Variants in SYT10 observed in about 807,000 individuals in gnomAD.
SYT10 encodes the protein synaptotagmin 10.
A neutral mutation model predicts 51.1 loss-of-function variants in SYT10; 31 were observed. The ratio of observed to expected loss-of-function variants is 0.61; its 90% CI spans 0.46 to 0.82. The LOEUF (loss-of-function observed/expected upper bound fraction) is 0.82. Ranked by LOEUF, SYT10 falls within the 40% of genes least tolerant of loss-of-function variation. SYT10 has a pLI of 0.00. For synonymous variants in SYT10, 233 were observed against 225.9 expected, an observed-to-expected ratio of 1.03 and a Z score of -0.28; for missense variants, 603 against 634.0, an observed-to-expected ratio of 0.95 and a Z score of 0.53.
chr12:33,375,654 C>T lies in SYT10; in HGVS notation c.*1176G>A, dbSNP rs1238679459. ...CTTATGAAGGCAAATGCCTTTCATG[C>T]AAGGACTGGAGGCCTGGGCCTTTAG... On this transcript the variant is annotated 3_prime_UTR_variant, in exon 7 of 7. Transcript: ENST00000228567. The T allele has an allele frequency of 1.3e-5, 2 of 152,086 alleles. No individual in the cohort carries two copies. The highest frequency in any genetic ancestry group is 1.3e-4 in the Admixed American group (2 of 15,258). The allele number at this position is 152,086 out of a possible 1,614,324, so 9.4% of individuals were successfully genotyped here. A position where few individuals can be genotyped will look rare whatever the true frequency, so the allele number is the denominator to read the frequency against.
chr12:33,429,480 A>G (rs1371714460), intron 1 of SYT10, among the ~76,000 whole-genome samples: 2 of 152,262 alleles, frequency 1.3e-5, no homozygotes, highest in Non-Finnish European at 2.9e-5. Flanking sequence ...ATTGGAGACC[A>G]ATAAAGTGAT....
At chr12:33,378,036 T>A (rs2138378595) in intron 6 of SYT10, among the ~76,000 whole-genome samples, 1 of 152,274 alleles carries the variant, frequency 6.6e-6, no homozygotes, top group South Asian at 2.1e-4. Flanking sequence ...CAATAACATA[T>A]ATAATTATAT....
chr12:33,401,634 TA>T (rs1309502298), intron 3 of SYT10, among the ~76,000 whole-genome samples: 1 of 152,210 alleles, frequency 6.6e-6, no homozygotes, highest in East Asian at 1.9e-4. Context: ...TTCATGTATA[TA>T]TGGCTGCCAT....
intron 1 of SYT10, chr12:33,432,291 T>C (rs986077276): frequency 2.0e-5 from 3 of 152,092 alleles, no homozygotes; most frequent in African/African-American, 4.8e-5. Context: ...TTCGATTTGA[T>C]AAAACGTAGT....
chr12:33,390,503 A>G (rs2138394383), intron 3 of SYT10, among the ~76,000 whole-genome samples: 1 of 151,966 alleles, frequency 6.6e-6, no homozygotes, highest in African/African-American at 2.4e-5. Flanking sequence ...TAGTCTCTAC[A>G]TTTTTTTTCT....
chr12:33,389,403 A>T (rs1156441801), intron 3 of SYT10, among the ~76,000 whole-genome samples: 3 of 152,226 alleles, frequency 2.0e-5, no homozygotes, highest in African/African-American at 7.2e-5. Flanking sequence ...TAAGTAACTC[A>T]AAAGGTAGAT....
At chr12:33,388,247 T>C (rs1214608302) in intron 3 of SYT10, among the ~76,000 whole-genome samples, 1 of 152,132 alleles carries the variant, frequency 6.6e-6, no homozygotes, top group Non-Finnish European at 1.5e-5. Context: ...GAACAGTAAA[T>C]AATATTTAAA....
chr12:33,426,730 G>A (rs1473640265), intron 1 of SYT10, among the ~76,000 whole-genome samples: 2 of 152,108 alleles, frequency 1.3e-5, no homozygotes, highest in African/African-American at 2.4e-5. Flanking sequence ...GGAAAATTAC[G>A]ATGTATGCAT....
chr12:33,422,079 C>G (rs1389600245), intron 2 of SYT10, among the ~76,000 whole-genome samples: 1 of 148,202 alleles, frequency 6.7e-6, no homozygotes, highest in African/African-American at 2.5e-5. Context: ...GGCATCAAAA[C>G]TTAAAGTATT....
At chr12:33,416,739 T>C (rs1193041025) in intron 2 of SYT10, among the ~76,000 whole-genome samples, 1 of 152,130 alleles carries the variant, frequency 6.6e-6, no homozygotes, top group Non-Finnish European at 1.5e-5. Context: ...CATCAACACT[T>C]CCTACCTTTT....
At chr12:33,438,355 G>T (rs1866654755) in intron 1 of SYT10, among the ~76,000 whole-genome samples, 1 of 152,144 alleles carries the variant, frequency 6.6e-6, no homozygotes, top group African/African-American at 2.4e-5. Flanking sequence ...AGTGTTTTTT[G>T]ACTCCTAGTG....
Position 33,439,340 on chromosome 12 carries a change from C to A in SYT10, c.151+32G>T, listed in dbSNP as rs374367752. The stretch of plus-strand genomic sequence containing the variant: ...CCTAGCGCGCGGGGTCCCAGCGGAG[C>A]GCGAGGACGCGAGCGGAGCCCTCCC... On this transcript the variant is annotated intron_variant, in intron 1 of 6. Transcript: ENST00000228567. The A allele has an allele frequency of 5.0e-6, 8 of 1,595,078 alleles. No individual in the cohort carries two copies. The African/African-American group carries it at 8.0e-5, about 16-fold the overall frequency.
chr12:33,397,263 A>G (rs1029937474), intron 3 of SYT10, among the ~76,000 whole-genome samples: 1 of 152,174 alleles, frequency 6.6e-6, no homozygotes, highest in African/African-American at 2.4e-5. Context: ...GTGAAGGGCT[A>G]TTCACAGAGA....
chr12:33,411,997 TA>T (rs1484079772), intron 2 of SYT10, among the ~76,000 whole-genome samples: 2 of 152,272 alleles, frequency 1.3e-5, no homozygotes, highest in East Asian at 3.9e-4. Flanking sequence ...TAGGATATTT[TA>T]TTGAATAGAA....
intron 5 of SYT10, among the ~76,000 whole-genome samples, chr12:33,380,669 AATATC>A (rs1866106528): frequency 6.6e-6 from 1 of 152,180 alleles, no homozygotes; most frequent in Non-Finnish European, 1.5e-5. Context: ...CATGACCATG[AATATC>A]ATTATTATCA....
At chr12:33,397,154 G>A (rs1866263535) in intron 3 of SYT10, among the ~76,000 whole-genome samples, 1 of 152,154 alleles carries the variant, frequency 6.6e-6, no homozygotes. Flanking sequence ...AAATTAACCA[G>A]TTTGTAATTA....
intron 1 of SYT10, among the ~76,000 whole-genome samples, chr12:33,438,686 C>T (rs1866657532): frequency 6.6e-6 from 1 of 152,150 alleles, no homozygotes; most frequent in Non-Finnish European, 1.5e-5. Flanking sequence ...AAACGTCTCC[C>T]CTCTCTTCCA....
At chr12:33,378,615 T>C (rs942006863) in intron 6 of SYT10, among the ~76,000 whole-genome samples, 2 of 152,208 alleles carry the variant, frequency 1.3e-5, no homozygotes, top group African/African-American at 4.8e-5. Context: ...TTTAGATTTT[T>C]AGAATTAATG....
At chr12:33,377,583 C>T (rs1866073917) in intron 6 of SYT10, among the ~76,000 whole-genome samples, 1 of 151,562 alleles carries the variant, frequency 6.6e-6, no homozygotes. Context: ...TACAACAAAA[C>T]AAATGATTAT....
Sources: allele counts gnomAD v4.1 joint callset (sites outside exome capture counted in the v4.1 genomes callset), GRCh38; gene constraint gnomAD v4.1.1; transcripts MANE v1.5; gene names NCBI Gene and HGNC (gene_info 2026-07-23, HGNC 2026-07-21).